Variants in SLC35D4 observed in about 807,000 individuals in gnomAD.
SLC35D4 encodes the protein solute carrier family 35 member D4, also known as UDP-N-acetylglucosamine transporter SLC35D4.
At chr18:23,251,852 G>A in the SLC35D4 span, among the ~76,000 whole-genome samples, 1 of 152,172 alleles carries the variant, frequency 6.6e-6, no homozygotes, top group Admixed American at 6.5e-5. Context: ...TTGGGAGGCC[G>A]AGGCAGGCAG....
At chr18:23,387,733 T>C in the SLC35D4 span, among the ~76,000 whole-genome samples, 1 of 152,154 alleles carries the variant, frequency 6.6e-6, no homozygotes, top group Non-Finnish European at 1.5e-5. Context: ...CTTACCTTTT[T>C]AAAAAAACAT....
the SLC35D4 span, among the ~76,000 whole-genome samples, chr18:23,267,558 C>A: frequency 1.3e-5 from 2 of 152,130 alleles, no homozygotes; most frequent in Non-Finnish European, 2.9e-5. Context: ...CACACAGTTG[C>A]TCTTCCTGCT....
chr18:23,324,902 C>CT, the SLC35D4 span, among the ~76,000 whole-genome samples: 1 of 152,160 alleles, frequency 6.6e-6, no homozygotes, highest in African/African-American at 2.4e-5. Context: ...TTTAAAATCC[C>CT]TTTTTCCTAG....
chr18:23,354,515 G>A, the SLC35D4 span, among the ~76,000 whole-genome samples: 14 of 123,844 alleles, frequency 1.1e-4, no homozygotes, highest in Middle Eastern at 3.7e-3. Flanking sequence ...GCGAGATTCC[G>A]TCTCAAAAAA....
the SLC35D4 span, among the ~76,000 whole-genome samples, chr18:23,365,429 A>G: frequency 6.6e-6 from 1 of 152,246 alleles, no homozygotes; most frequent in East Asian, 1.9e-4. Context: ...ATGAAAACAC[A>G]GACAACAAGA....
At chr18:23,325,450 G>A in the SLC35D4 span, among the ~76,000 whole-genome samples, 1 of 152,058 alleles carries the variant, frequency 6.6e-6, no homozygotes, top group East Asian at 1.9e-4. Context: ...TGCACAGGAG[G>A]GGCTTGAGTG....
the SLC35D4 span, among the ~76,000 whole-genome samples, chr18:23,266,577 C>G: frequency 6.6e-6 from 1 of 152,304 alleles, no homozygotes; most frequent in East Asian, 1.9e-4. Flanking sequence ...GAGCTGGGAC[C>G]GGTGATGTCC....
chr18:23,261,081 A>G, the SLC35D4 span, among the ~76,000 whole-genome samples: 1 of 152,224 alleles, frequency 6.6e-6, no homozygotes, highest in African/African-American at 2.4e-5. Flanking sequence ...TAAGACTGGC[A>G]AAACCACAAA....
At chr18:23,248,385 T>G in the SLC35D4 span, among the ~76,000 whole-genome samples, 152 of 151,996 alleles carry the variant, frequency 1.0e-3, no homozygotes, top group Middle Eastern at 3.4e-3. Context: ...TCTAGCAAGT[T>G]TAAGAAGAAA....
chr18:23,321,463 CTTT>C, the SLC35D4 span, among the ~76,000 whole-genome samples: 1 of 146,112 alleles, frequency 6.8e-6, no homozygotes, highest in Non-Finnish European at 1.5e-5. Flanking sequence ...AGTGGGGAGT[CTTT>C]TTTTTTTTGA....
the SLC35D4 span, among the ~76,000 whole-genome samples, chr18:23,378,414 T>C: frequency 6.6e-6 from 1 of 152,062 alleles, no homozygotes; most frequent in Non-Finnish European, 1.5e-5. Context: ...CTATAAACTA[T>C]CTGGTGTGAT....
the SLC35D4 span, among the ~76,000 whole-genome samples, chr18:23,263,157 C>G: frequency 6.6e-6 from 1 of 152,208 alleles, no homozygotes; most frequent in East Asian, 1.9e-4. Context: ...AAGATTCAAA[C>G]CCAGCTATAA....
chr18:23,266,953 C>T, the SLC35D4 span, among the ~76,000 whole-genome samples: 2 of 152,228 alleles, frequency 1.3e-5, no homozygotes, highest in Non-Finnish European at 1.5e-5. Flanking sequence ...GCCTTGCCTG[C>T]TGGTCTGTGT....
the SLC35D4 span, among the ~76,000 whole-genome samples, chr18:23,431,153 C>CAAAAAAAAAAAAAAAAAAAAAAACA: frequency 1.5e-5 from 1 of 66,248 alleles, no homozygotes; most frequent in Non-Finnish European, 2.7e-5. Context: ...GAGTATATCT[C>CAAAAAAAAAAAAAAAAAAAAAAACA]AAAAAAAAAA....
At chr18:23,303,792 T>G in the SLC35D4 span, among the ~76,000 whole-genome samples, 2 of 151,922 alleles carry the variant, frequency 1.3e-5, no homozygotes, top group Non-Finnish European at 2.9e-5. Flanking sequence ...TCCCAGCCAT[T>G]TGGGAAGCTG....
the SLC35D4 span, among the ~76,000 whole-genome samples, chr18:23,433,442 C>T: frequency 6.6e-6 from 1 of 152,046 alleles, no homozygotes; most frequent in African/African-American, 2.4e-5. Flanking sequence ...ACCACTTGTC[C>T]AGAACAGAAA....
At chr18:23,258,486 C>G in the SLC35D4 span, 1 of 152,134 alleles carries the variant, frequency 6.6e-6, no homozygotes, top group Non-Finnish European at 1.5e-5. Context: ...GCTGTTCATG[C>G]AAGATTTTAA....
chr18:23,294,709 T>C, the SLC35D4 span, among the ~76,000 whole-genome samples: 1 of 152,012 alleles, frequency 6.6e-6, no homozygotes, highest in Non-Finnish European at 1.5e-5. Context: ...CAGTGAGCTG[T>C]GACTGCACCA....
chr18:23,275,547 G>C, the SLC35D4 span, among the ~76,000 whole-genome samples: 5 of 152,174 alleles, frequency 3.3e-5, no homozygotes, highest in East Asian at 7.7e-4. Context: ...CAGGTAAATG[G>C]AGCGGGACAG....
Sources: allele counts gnomAD v4.1 joint callset (sites outside exome capture counted in the v4.1 genomes callset), GRCh38; gene constraint gnomAD v4.1.1; transcripts MANE v1.5; gene names NCBI Gene and HGNC (gene_info 2026-07-23, HGNC 2026-07-21).